The following SEMA3A variants were observed in gnomAD, a reference collection of about 807,000 sequenced individuals.
SEMA3A encodes the protein semaphorin 3A, also known as semaphorin-3A.
SEMA3A carries 29 observed loss-of-function variants against 97.9 expected under a neutral mutation model. The observed-to-expected ratio is 0.30, with a 90% CI of 0.22 to 0.40. SEMA3A has a LOEUF of 0.40. SEMA3A is among the 10% of genes least tolerant of loss of function. SEMA3A has a pLI of 1.00. For missense variants in SEMA3A, 763 were observed against 951.3 expected (o/e 0.80, Z 2.60); for synonymous variants, 321 against 323.7 (o/e 0.99, Z 0.09).
intron 3 of SEMA3A, among the ~76,000 whole-genome samples, chr7:84,249,115 T>C (rs928281984): frequency 2.6e-5 from 4 of 152,210 alleles, no homozygotes; most frequent in Non-Finnish European, 4.4e-5. Flanking sequence ...TTGCCAGTCC[T>C]CTGGCTCCTC....
chr7:84,015,562 ATTC>A (rs1791064295), intron 6 of SEMA3A, among the ~76,000 whole-genome samples: 1 of 152,218 alleles, frequency 6.6e-6, no homozygotes, highest in South Asian at 2.1e-4. Context: ...AGACATTTAT[ATTC>A]TTACAATAAT....
intron 4 of SEMA3A, among the ~76,000 whole-genome samples, chr7:84,071,570 C>A (rs986740280): frequency 3.3e-5 from 5 of 152,010 alleles, no homozygotes; most frequent in Non-Finnish European, 5.9e-5. Flanking sequence ...TAAGCAGGTA[C>A]AAATTTTACC....
intron 1 of SEMA3A, among the ~76,000 whole-genome samples, chr7:84,425,850 T>C (rs1444815079): frequency 2.2e-5 from 1 of 45,550 alleles, no homozygotes; most frequent in African/African-American, 9.5e-5. Flanking sequence ...ATAATGTTTA[T>C]ATAACACACA....
chr7:83,983,471 C>A (rs1371970292), intron 13 of SEMA3A, among the ~76,000 whole-genome samples: 1 of 151,884 alleles, frequency 6.6e-6, no homozygotes. Context: ...AAGAATATGA[C>A]ATTTAAGTAG....
intron 3 of SEMA3A, among the ~76,000 whole-genome samples, chr7:84,249,798 T>C (rs1355592094): frequency 6.6e-6 from 1 of 151,012 alleles, no homozygotes; most frequent in African/African-American, 2.4e-5. Context: ...AAAAAAAAAA[T>C]TGTCAAGTAC....
At chr7:84,024,877 G>A (rs182293149) in intron 6 of SEMA3A, among the ~76,000 whole-genome samples, 1 of 152,104 alleles carries the variant, frequency 6.6e-6, no homozygotes, top group East Asian at 1.9e-4. Context: ...CACTTGAGGT[G>A]AGGAGTTCGA....
intron 1 of SEMA3A, among the ~76,000 whole-genome samples, chr7:84,457,335 G>A (rs1805710639): frequency 1.3e-5 from 2 of 151,802 alleles, no homozygotes; most frequent in South Asian, 2.1e-4. Context: ...GCTCTCTCAT[G>A]AGTAATCAAA....
intron 1 of SEMA3A, among the ~76,000 whole-genome samples, chr7:84,143,843 A>G (rs1796374069): frequency 2.0e-5 from 3 of 151,610 alleles, no homozygotes; most frequent in African/African-American, 7.3e-5. Context: ...GGTATAGGTA[A>G]AGCATAAAGC....
intron 1 of SEMA3A, among the ~76,000 whole-genome samples, chr7:84,146,303 TGTCTGAA>T (rs1796461487): frequency 6.6e-6 from 1 of 152,282 alleles, no homozygotes; most frequent in Admixed American, 6.5e-5. Context: ...ATCTTTAGAC[TGTCTGAA>T]GTCTGACTAC....
rs549003268 is a variant in SEMA3A, at chr7:84,424,845, A to C, written c.-245-52945T>G. Among the ~76,000 whole-genome samples the C allele has an allele frequency of 0.013, 1,003 of 80,040 alleles. 45 individuals are homozygous for C. The East Asian group carries it at 0.26, about 21-fold the overall frequency. The allele number at this position is 80,040 out of a possible 152,430, so 52.5% of individuals were successfully genotyped here. A position where few individuals can be genotyped will look rare whatever the true frequency, so the allele number is the denominator to read the frequency against. On this transcript the variant is annotated intron_variant, in intron 1 of 3. Coordinates refer to the SEMA3A transcript ENST00000424555. ...TATAATGATATCTAAATATATATTT[A>C]TATATAAATAATTTATATAAATATA...
At position 84,029,758 on chromosome 7, in the gene SEMA3A, A is replaced by AT. The variant is rs1164297226; in HGVS notation, c.668-15408dup. On this transcript the variant is annotated intron_variant, in intron 6 of 16. Coordinates refer to ENST00000265362, the MANE Select transcript of SEMA3A (RefSeq NM_006080.3). ...ATTCAGAAAATAATCTCTAGGAACA[A>AT]TTTTTTTATTATCTCATAAGGTTAC... Among the ~76,000 whole-genome samples, 4 of 151,790 alleles carry AT rather than the reference A, an allele frequency of 2.6e-5. No homozygotes were observed. The East Asian group carries it at 5.8e-4, about 22-fold the overall frequency.
At chr7:84,231,326 A>C (rs2116357035) in intron 3 of SEMA3A, among the ~76,000 whole-genome samples, 1 of 152,120 alleles carries the variant, frequency 6.6e-6, no homozygotes, top group African/African-American at 2.4e-5. Context: ...ACAGGGAATA[A>C]GTGTAGGAGG....
At chr7:84,300,897 G>A (rs1431389961) in intron 3 of SEMA3A, among the ~76,000 whole-genome samples, 1 of 152,068 alleles carries the variant, frequency 6.6e-6, no homozygotes, top group Admixed American at 6.6e-5. Context: ...GAGTGGACCA[G>A]TCACTTAGTT....
intron 5 of SEMA3A, among the ~76,000 whole-genome samples, chr7:84,052,353 G>A (rs1280781123): frequency 1.3e-5 from 2 of 152,126 alleles, no homozygotes. Context: ...CACTCTTTTT[G>A]GTTGGTAAGC....
chr7:84,197,657 C>T (rs1798262173), upstream of SEMA3A, among the ~76,000 whole-genome samples: 1 of 146,816 alleles, frequency 6.8e-6, no homozygotes, highest in African/African-American at 2.5e-5. Flanking sequence ...CCTGGATGGG[C>T]GGTGTCAGAA....
chr7:84,401,607 T>C (rs571717287), intron 1 of SEMA3A, among the ~76,000 whole-genome samples: 1 of 151,988 alleles, frequency 6.6e-6, no homozygotes, highest in East Asian at 1.9e-4. Context: ...GACTTCAGAA[T>C]ATACTGCAAA....
In SEMA3A at chr7:84,233,634, G is replaced by A. The variant is rs538131180; in HGVS notation, c.-82-38966C>T. ...AACATTTTTAAAAAGCCTTGAGAAA[G>A]ATTTCAACCATGTAATGATATATTC... On this transcript the variant is annotated intron_variant, in intron 3 of 3. Transcript: ENST00000424555. Among the ~76,000 whole-genome samples, 11 of 152,050 alleles carry A rather than the reference G, an allele frequency of 7.2e-5. No homozygotes were observed. In the South Asian group the frequency reaches 2.3e-3, roughly 32 times the overall value.
At chr7:84,341,192 T>C (rs1400375642) in intron 2 of SEMA3A, among the ~76,000 whole-genome samples, 2 of 152,232 alleles carry the variant, frequency 1.3e-5, no homozygotes, top group Admixed American at 6.5e-5. Flanking sequence ...ATCAACCATA[T>C]GGTATGCACA....
Position 84,180,189 on chromosome 7 carries a change from G to A in SEMA3A, c.112+14286C>T, listed in dbSNP as rs532489961. 2.1e-4 allele frequency among the ~76,000 whole-genome samples: 31 copies of A among 149,692 alleles called. 1 individual carries two copies. In the South Asian group the frequency reaches 5.8e-3, roughly 28 times the overall value. On this transcript the variant is annotated intron_variant, in intron 1 of 16. Transcript: ENST00000265362. The stretch of plus-strand genomic sequence containing the variant: ...TCTAACTCCCGACCTCAGGTGATCC[G>A]CCCACCTCGGCCTCCCAAAGTCCTG...
Sources: allele counts gnomAD v4.1 joint callset (sites outside exome capture counted in the v4.1 genomes callset), GRCh38; gene constraint gnomAD v4.1.1; transcripts MANE v1.5; gene names NCBI Gene and HGNC (gene_info 2026-07-23, HGNC 2026-07-21).